ZMIZ1: variants seen among roughly 807,000 people sequenced by gnomAD.
ZMIZ1 encodes the protein zinc finger MIZ domain-containing protein 1.
ZMIZ1 carries 17 observed loss-of-function variants against 113.9 expected under a neutral mutation model. The ratio of observed to expected loss-of-function variants is 0.15; its 90% CI spans 0.10 to 0.22. The LOEUF (loss-of-function observed/expected upper bound fraction) is 0.22, where lower values mean the gene tolerates loss of function less well. ZMIZ1 is among the 10% of genes least tolerant of loss of function. The pLI is 1.00. For missense variants in ZMIZ1, 1,059 were observed against 1,477.8 expected (o/e 0.72, Z 4.65); for synonymous variants, 607 against 603.1 (o/e 1.01, Z -0.09).
chr10:79,214,392 C>T (rs1266811034), intron 6 of ZMIZ1, among the ~76,000 whole-genome samples: 1 of 152,180 alleles, frequency 6.6e-6, no homozygotes, highest in Non-Finnish European at 1.5e-5. Context: ...ATTAGCCCTA[C>T]ACAGAGGGGC....
rs769334845 is a variant in ZMIZ1, at chr10:79,293,516, A to G, written c.1093A>G (p.Met365Val). The change falls in exon 12 of 25, where the codon ATG (methionine) becomes GTG (valine). Residue 365 changes from methionine to valine, a missense_variant. Transcript: ENST00000334512. ...GCCCTCGGGGATGAGCGGCCCTCCCATGGGCATGAACCAGCCCCGGCCGCC... is the reference window on the plus strand; with the variant it reads ...GCCCTCGGGGATGAGCGGCCCTCCCGTGGGCATGAACCAGCCCCGGCCGCC... ...MTPSGMSGPP[M>V]GMNQPRPPGI... 6 of 1,604,420 alleles carry G rather than the reference A, an allele frequency of 3.7e-6. No individual in the cohort carries two copies. In the South Asian group the frequency reaches 6.6e-5, roughly 18 times the overall value.
At chr10:79,128,936 T>A (rs1018457642) in intron 2 of ZMIZ1, among the ~76,000 whole-genome samples, 17 of 152,174 alleles carry the variant, frequency 1.1e-4, no homozygotes, top group Non-Finnish European at 2.4e-4. Flanking sequence ...TGATAATACT[T>A]CCTTCCCCGT....
At chr10:79,201,553 T>A (rs949473016) in intron 4 of ZMIZ1, 31 bp from the exon 5 acceptor site, 5 of 1,540,560 alleles carry the variant, frequency 3.2e-6, no homozygotes, top group Non-Finnish European at 3.6e-6. Flanking sequence ...CCTGGCGTGA[T>A]CCAGTGACAA....
chr10:79,245,937 C>T (rs181874777), intron 7 of ZMIZ1, among the ~76,000 whole-genome samples: 11 of 152,316 alleles, frequency 7.2e-5, no homozygotes, highest in Admixed American at 5.2e-4. Context: ...GCTCCATGGA[C>T]GACAGACAGC....
chr10:79,158,601 C>G (rs973557828), intron 3 of ZMIZ1, among the ~76,000 whole-genome samples: 2 of 152,224 alleles, frequency 1.3e-5, no homozygotes, highest in African/African-American at 4.8e-5. Flanking sequence ...TCCTAAATTT[C>G]GGGCACCACT....
At chr10:79,155,896 A>G (rs1256497679) in intron 3 of ZMIZ1, among the ~76,000 whole-genome samples, 2 of 152,162 alleles carry the variant, frequency 1.3e-5, no homozygotes, top group East Asian at 3.9e-4. Context: ...TCTGCCCCCC[A>G]TTTTGCTTCC....
At chr10:79,144,566 C>G (rs1218477634) in intron 3 of ZMIZ1, among the ~76,000 whole-genome samples, 3 of 152,172 alleles carry the variant, frequency 2.0e-5, no homozygotes, top group African/African-American at 7.2e-5. Context: ...CTGCCCATTT[C>G]TGCCTGGAGC....
At chr10:79,072,086 T>C (rs1267266850) in intron 1 of ZMIZ1, among the ~76,000 whole-genome samples, 4 of 152,124 alleles carry the variant, frequency 2.6e-5, no homozygotes, top group South Asian at 2.1e-4. Flanking sequence ...GCTGGACTTA[T>C]GAATAAATAG....
intron 7 of ZMIZ1, among the ~76,000 whole-genome samples, chr10:79,269,456 A>AACACAC (rs55634343): frequency 0.2 from 27,828 of 138,316 alleles, 3,002 homozygotes; most frequent in South Asian, 0.25. Flanking sequence ...ACCTCCCCCC[A>AACACAC]ACACACACAC....
intron 7 of ZMIZ1, among the ~76,000 whole-genome samples, chr10:79,218,693 G>A (rs552695404): frequency 2.0e-5 from 3 of 151,996 alleles, no homozygotes; most frequent in Non-Finnish European, 4.4e-5. Context: ...GTGTTGTTGA[G>A]GGCAGACCAC....
intron 4 of ZMIZ1, among the ~76,000 whole-genome samples, chr10:79,166,829 G>A (rs1015971000): frequency 2.5e-4 from 38 of 152,222 alleles, no homozygotes; most frequent in African/African-American, 9.2e-4. Flanking sequence ...TCACCTGGAC[G>A]CCCTCGGGAA....
At chr10:79,093,171 C>CACACACAT (rs1843044760) in intron 1 of ZMIZ1, among the ~76,000 whole-genome samples, 2 of 142,442 alleles carry the variant, frequency 1.4e-5, no homozygotes, top group African/African-American at 2.6e-5. Flanking sequence ...CACACACACA[C>CACACACAT]ACACATATTC....
chr10:79,074,988 A>G (rs1842420396), intron 1 of ZMIZ1, among the ~76,000 whole-genome samples: 1 of 152,242 alleles, frequency 6.6e-6, no homozygotes, highest in Non-Finnish European at 1.5e-5. Context: ...TAGATTTCTT[A>G]GATTTCAATG....
At chr10:79,312,595 C>A in intron 24 of ZMIZ1, 47 bp from the exon 25 acceptor site, 3 of 1,603,488 alleles carry the variant, frequency 1.9e-6, no homozygotes, top group Non-Finnish European at 2.6e-6. Flanking sequence ...CCGGGGCCTG[C>A]CTCTCAGGCA....
At position 79,292,150 on chromosome 10, in the gene ZMIZ1, C is replaced by G. The variant is rs768769045; in HGVS notation, c.759-8C>G. ...GTACCTAACTCTTCCACCCTTCTCCCCCTGCAGTTACCCTGGGGGTCCTAA... is the reference window on the plus strand; with the variant it reads ...GTACCTAACTCTTCCACCCTTCTCCGCCTGCAGTTACCCTGGGGGTCCTAA... On this transcript the variant is annotated splice_region_variant and splice_polypyrimidine_tract_variant and intron_variant, in intron 10 of 24. Coordinates refer to ENST00000334512, the MANE Select transcript of ZMIZ1 (RefSeq NM_020338.4). 1 of 1,604,470 alleles carries G rather than the reference C, an allele frequency of 6.2e-7. No homozygotes were observed. The highest frequency in any genetic ancestry group is 1.3e-5 in the African/African-American group (1 of 74,706).
At chr10:79,097,540 C>T (rs1415244157) in intron 1 of ZMIZ1, among the ~76,000 whole-genome samples, 2 of 152,164 alleles carry the variant, frequency 1.3e-5, no homozygotes, top group Admixed American at 6.5e-5. Context: ...GTGACGAACT[C>T]GAGATAATAA....
At chr10:79,072,815 A>T (rs1200355507) in intron 1 of ZMIZ1, among the ~76,000 whole-genome samples, 1 of 152,244 alleles carries the variant, frequency 6.6e-6, no homozygotes, top group African/African-American at 2.4e-5. Flanking sequence ...CCAGGCTGCC[A>T]CGATTACCCA....
At chr10:79,070,014 C>T (rs868092220) in intron 1 of ZMIZ1, among the ~76,000 whole-genome samples, 21 of 151,960 alleles carry the variant, frequency 1.4e-4, no homozygotes, top group Non-Finnish European at 2.8e-4. Context: ...CGTGTGTGTG[C>T]GCGCGCGCGT....
chr10:79,302,211 A>C lies in ZMIZ1; in HGVS notation c.2124A>C (p.Lys708Asn). 1 of 1,613,174 alleles carries C rather than the reference A, an allele frequency of 6.2e-7. No individual in the cohort carries two copies. The highest frequency in any genetic ancestry group is 8.5e-7 in the Non-Finnish European group (1 of 1,179,994). The change falls in exon 18 of 25, where the codon AAA (lysine) becomes AAC (asparagine). Residue 708 changes from lysine (K) to asparagine (N), a missense_variant and splice_region_variant. Coordinates refer to ENST00000334512, the MANE Select transcript of ZMIZ1 (RefSeq NM_020338.4). The stretch of plus-strand genomic sequence containing the variant: ...TGCCCGCAGAGCACTGTATCACGAA[A>C]AGTGAGTCAGGGTGGGGACGGGGGT... ...RLLPAEHCIT[K>N]IKRNFSSVAA...
Sources: gnomAD v4.1 joint callset for allele counts (sites outside exome capture counted in the v4.1 genomes callset) on GRCh38, gnomAD v4.1.1 for gene constraint, MANE v1.5 for transcripts, NCBI Gene and HGNC (gene_info 2026-07-23, HGNC 2026-07-21) for gene names.